The following EPM2A variants were observed in gnomAD, a reference collection of about 807,000 sequenced individuals.
EPM2A encodes EPM2A glucan phosphatase, laforin.
A neutral mutation model predicts 26.5 loss-of-function variants in EPM2A; 21 were observed. The observed-to-expected ratio is 0.79, with a 90% CI of 0.56 to 1.14. The LOEUF is 1.14. Ranked by LOEUF, EPM2A falls within the 50% of genes most tolerant of loss-of-function variation. The pLI is 0.00. For synonymous variants in EPM2A, 217 were observed against 177.6 expected (o/e 1.22, Z -1.76); for missense variants, 458 against 440.8 (o/e 1.04, Z -0.35).
chr6:145,576,845 G>T lies in EPM2A; in HGVS notation c.340+58400C>A, dbSNP rs540123375. ...TGTTCAGAGATAGACAATATAAAAA[G>T]GTATAGAGACAAAAAAAGTCAAAAA... On this transcript the variant is annotated intron_variant, in intron 2 of 3. Coordinates refer to the EPM2A transcript ENST00000450221. 7.2e-5 allele frequency among the ~76,000 whole-genome samples: 11 copies of T among 151,822 alleles called. No individual in the cohort carries two copies. In the South Asian group the frequency reaches 2.1e-3, roughly 29 times the overall value.
chr6:145,535,374 T>A (rs949034087), intron 2 of EPM2A, among the ~76,000 whole-genome samples: 2 of 152,250 alleles, frequency 1.3e-5, no homozygotes, highest in African/African-American at 4.8e-5. Context: ...ACTCTGCACA[T>A]TGCAATCACC....
chr6:145,442,891 C>T (rs770093522), intron 4 of EPM2A, among the ~76,000 whole-genome samples: 11 of 150,672 alleles, frequency 7.3e-5, no homozygotes, highest in African/African-American at 2.0e-4. Flanking sequence ...GATGGTGTCT[C>T]GCTCTGTTGC....
intron 4 of EPM2A, among the ~76,000 whole-genome samples, chr6:145,392,307 C>T (rs1436767836): frequency 6.6e-6 from 1 of 152,116 alleles, no homozygotes; most frequent in Non-Finnish European, 1.5e-5. Context: ...TCAAAGGAGA[C>T]AAATTCAAGG....
intron 4 of EPM2A, among the ~76,000 whole-genome samples, chr6:145,494,288 T>A (rs1779790987): frequency 6.6e-6 from 1 of 152,214 alleles, no homozygotes; most frequent in South Asian, 2.1e-4. Flanking sequence ...TTTATAGTAG[T>A]CTCTGGTGTT....
chr6:145,590,997 C>G (rs1781266938), intron 2 of EPM2A, among the ~76,000 whole-genome samples: 1 of 151,824 alleles, frequency 6.6e-6, no homozygotes, highest in Non-Finnish European at 1.5e-5. Flanking sequence ...TAATAACTTG[C>G]TAGAATAGGT....
At chr6:145,591,075 A>C (rs2128547845) in intron 2 of EPM2A, among the ~76,000 whole-genome samples, 1 of 152,274 alleles carries the variant, frequency 6.6e-6, no homozygotes, top group Non-Finnish European at 1.5e-5. Flanking sequence ...AGTAAAAAAC[A>C]CTAATAGAAA....
chr6:145,391,547 TC>T (rs1183000534), intron 4 of EPM2A, among the ~76,000 whole-genome samples: 2 of 152,188 alleles, frequency 1.3e-5, no homozygotes, highest in Non-Finnish European at 2.9e-5. Context: ...ATATTCATGC[TC>T]CTCCTGTAAT....
chr6:145,696,855 C>G (rs1330023004), intron 1 of EPM2A, among the ~76,000 whole-genome samples: 1 of 147,068 alleles, frequency 6.8e-6, no homozygotes, highest in African/African-American at 2.5e-5. Context: ...AAACTGATTA[C>G]TATGATTATT....
At chr6:145,473,987 G>GGTA (rs1779508805) in intron 4 of EPM2A, among the ~76,000 whole-genome samples, 1 of 152,040 alleles carries the variant, frequency 6.6e-6, no homozygotes, top group South Asian at 2.1e-4. Context: ...AAAACTTAAT[G>GGTA]GTAGTAGTAA....
At chr6:145,523,137 C>A (rs949222414) in intron 2 of EPM2A, among the ~76,000 whole-genome samples, 3 of 152,128 alleles carry the variant, frequency 2.0e-5, no homozygotes, top group African/African-American at 7.2e-5. Flanking sequence ...GTGGGCAGAA[C>A]TTTGTTTTTT....
intron 2 of EPM2A, among the ~76,000 whole-genome samples, chr6:145,558,279 A>AG (rs1780757389): frequency 6.6e-6 from 1 of 152,052 alleles, no homozygotes; most frequent in Admixed American, 6.6e-5. Flanking sequence ...GCTTCATGGA[A>AG]CTGTGAGTCC....
chr6:145,489,001 T>C (rs1318428577), intron 4 of EPM2A, among the ~76,000 whole-genome samples: 2 of 152,342 alleles, frequency 1.3e-5, no homozygotes, highest in African/African-American at 2.4e-5. Flanking sequence ...AAGAACCAGA[T>C]GCTTTACAGA....
chr6:145,483,959 T>C (rs1436601358), intron 4 of EPM2A, among the ~76,000 whole-genome samples: 2 of 152,124 alleles, frequency 1.3e-5, no homozygotes, highest in Non-Finnish European at 2.9e-5. Context: ...AGTTAATACA[T>C]CTAACAAATA....
downstream of EPM2A, among the ~76,000 whole-genome samples, chr6:145,500,471 A>G (rs1157842479): frequency 1.3e-5 from 2 of 152,214 alleles, no homozygotes; most frequent in Admixed American, 6.5e-5. Context: ...TCAGCCACTC[A>G]GATATGTGGA....
At chr6:145,450,658 C>G (rs1252478266) in intron 4 of EPM2A, among the ~76,000 whole-genome samples, 1 of 152,158 alleles carries the variant, frequency 6.6e-6, no homozygotes, top group Non-Finnish European at 1.5e-5. Context: ...CAGTCCTCTT[C>G]TCTCCTGTGC....
chr6:145,466,844 G>A (rs1337879142), intron 4 of EPM2A, among the ~76,000 whole-genome samples: 1 of 152,112 alleles, frequency 6.6e-6, no homozygotes, highest in Non-Finnish European at 1.5e-5. Flanking sequence ...TCCTTTGTAG[G>A]GACATGGATG....
intron 4 of EPM2A, among the ~76,000 whole-genome samples, chr6:145,397,785 T>C (rs554925007): frequency 5.9e-5 from 9 of 152,306 alleles, no homozygotes; most frequent in South Asian, 2.1e-4. Context: ...TAGGTACACA[T>C]ATCTCATCTG....
At chr6:145,660,957 T>C (rs1166904040) in intron 2 of EPM2A, among the ~76,000 whole-genome samples, 6 of 151,820 alleles carry the variant, frequency 4.0e-5, no homozygotes, top group Non-Finnish European at 8.8e-5. Context: ...GGCCAGTTAA[T>C]AAAGTATCAA....
At chr6:145,627,725 A>G (rs1355993557) in intron 3 of EPM2A, 32 bp from the exon 4 acceptor site, 3 of 1,611,440 alleles carry the variant, frequency 1.9e-6, no homozygotes, top group African/African-American at 2.7e-5. Context: ...ACACATGTGA[A>G]TAACTAAACC....
Sources: allele counts gnomAD v4.1 joint callset (sites outside exome capture counted in the v4.1 genomes callset), GRCh38; gene constraint gnomAD v4.1.1; transcripts MANE v1.5; gene names NCBI Gene and HGNC (gene_info 2026-07-23, HGNC 2026-07-21).